Variants in CDH13 observed in about 807,000 individuals in gnomAD.
CDH13 encodes the protein cadherin-13.
Under a neutral mutation model 63.8 loss-of-function variants are expected in CDH13, and 24 were observed. The observed-to-expected ratio is 0.38, with a 90% CI of 0.27 to 0.53. The LOEUF is 0.53. Ranked by LOEUF, CDH13 falls within the 20% of genes least tolerant of loss-of-function variation. The pLI, the probability that CDH13 is intolerant of heterozygous loss-of-function variation, is 0.85. For synonymous variants in CDH13, 503 were observed against 355.3 expected (o/e 1.42, Z -4.67); for missense variants, 1,049 against 903.1 (o/e 1.16, Z -2.07).
At position 83,334,361 on chromosome 16, in the gene CDH13, TCACACACACA is replaced by T. The variant is rs1208427532; in HGVS notation, c.637-10476_637-10467del. Among the ~76,000 whole-genome samples, 165 of 85,610 alleles carry T rather than the reference TCACACACACA, an allele frequency of 1.9e-3. 4 individuals are homozygous for T. The East Asian group carries it at 0.04, about 21-fold the overall frequency. 56.2% of individuals were successfully genotyped at this position (85,610 alleles called of 152,430 possible). ...TTCTCCCTCTCTCTCTCTCTCTCTC[TCACACACACA>T]CACACACACACACACACACACACAG... On this transcript the variant is annotated intron_variant, in intron 5 of 13. Transcript: ENST00000567109.
intron 4 of CDH13, among the ~76,000 whole-genome samples, chr16:83,162,513 C>T (rs1313562357): frequency 1.3e-5 from 2 of 152,086 alleles, no homozygotes; most frequent in African/African-American, 4.8e-5. Context: ...TAGTGCTAAG[C>T]CTTAGTTTCC....
At chr16:82,638,630 C>A (rs958741125) in intron 1 of CDH13, among the ~76,000 whole-genome samples, 3 of 152,092 alleles carry the variant, frequency 2.0e-5, no homozygotes, top group African/African-American at 7.2e-5. Flanking sequence ...CTGTGCATGT[C>A]ATAATGCGTG....
intron 3 of CDH13, among the ~76,000 whole-genome samples, chr16:83,063,681 C>A (rs1456978256): frequency 6.6e-6 from 1 of 152,166 alleles, no homozygotes; most frequent in Non-Finnish European, 1.5e-5. Context: ...TTAGCACAAA[C>A]TTTGTGGCTT....
chr16:83,170,083 A>C (rs1204986457), intron 4 of CDH13, among the ~76,000 whole-genome samples: 1 of 152,026 alleles, frequency 6.6e-6, no homozygotes, highest in Non-Finnish European at 1.5e-5. Context: ...ATGTGATGTT[A>C]AGCTCTAATA....
chr16:83,698,983 A>T (rs530719140), intron 10 of CDH13, among the ~76,000 whole-genome samples: 1 of 152,198 alleles, frequency 6.6e-6, no homozygotes, highest in Non-Finnish European at 1.5e-5. Context: ...GTACACCCCT[A>T]CCAGCATTAT....
In CDH13 at chr16:83,576,371, C is replaced by G. The variant is rs147243739; in HGVS notation, c.961-26083C>G. Among the ~76,000 whole-genome samples the G allele has an allele frequency of 3.6e-3, 546 of 152,238 alleles. 4 individuals carry two copies. Among genetic ancestry groups the G allele is most frequent in the African/African-American group, 0.012 (511 of 41,518 alleles). On this transcript the variant is annotated intron_variant, in intron 7 of 13. Coordinates refer to ENST00000567109, the MANE Select transcript of CDH13 (RefSeq NM_001257.5). ...CCTTTTTATGGCTGAATAATATTTT[C>G]TTGTATGGGTGGAGCACATTTTGTT... is the stretch of plus-strand genomic sequence containing the variant.
chr16:83,442,881 C>G lies in CDH13; in HGVS notation c.782-43596C>G, dbSNP rs545676874. 1.2e-4 allele frequency among the ~76,000 whole-genome samples: 19 copies of G among 152,324 alleles called. No homozygotes were observed. In the South Asian group the frequency reaches 1.9e-3, roughly 15 times the overall value. ...ATAAGGGACATTTCTGTTATTTTGT[C>G]AAATGCTATTATTTACTGAAAAATA... On this transcript the variant is annotated intron_variant, in intron 6 of 13. Coordinates refer to ENST00000567109, the MANE Select transcript of CDH13 (RefSeq NM_001257.5).
intron 3 of CDH13, among the ~76,000 whole-genome samples, chr16:83,123,062 G>A (rs538639873): frequency 1.3e-5 from 2 of 152,192 alleles, no homozygotes; most frequent in East Asian, 3.9e-4. Flanking sequence ...TTTGGATCAT[G>A]TCTTCCGGCT....
At chr16:83,781,219 C>A (rs1470174614) in intron 12 of CDH13, among the ~76,000 whole-genome samples, 1 of 152,148 alleles carries the variant, frequency 6.6e-6, no homozygotes, top group Non-Finnish European at 1.5e-5. Flanking sequence ...ACTGAAACAC[C>A]AACATATTAA....
chr16:82,627,585 G>T (rs1006709696), intron 1 of CDH13, among the ~76,000 whole-genome samples: 1 of 152,114 alleles, frequency 6.6e-6, no homozygotes, highest in African/African-American at 2.4e-5. Flanking sequence ...CTCGGGTCCG[G>T]ATTGCGGGAT....
chr16:82,941,232 C>G (rs1169403824), intron 2 of CDH13, among the ~76,000 whole-genome samples: 1 of 152,132 alleles, frequency 6.6e-6, no homozygotes, highest in Admixed American at 6.5e-5. Flanking sequence ...ACATAGTTTG[C>G]TCTCAAAGAA....
chr16:83,544,105 C>A (rs553403014), intron 7 of CDH13, among the ~76,000 whole-genome samples: 1 of 152,246 alleles, frequency 6.6e-6, no homozygotes, highest in South Asian at 2.1e-4. Flanking sequence ...GTGCTTCGAG[C>A]ACACCCTCTC....
chr16:83,611,384 C>G (rs1362392807), intron 8 of CDH13, among the ~76,000 whole-genome samples: 1 of 151,708 alleles, frequency 6.6e-6, no homozygotes, highest in Non-Finnish European at 1.5e-5. Context: ...TTTCAATTTG[C>G]CAATTTGTGT....
chr16:83,290,113 G>A (rs370092871), intron 5 of CDH13, among the ~76,000 whole-genome samples: 6 of 152,158 alleles, frequency 3.9e-5, no homozygotes, highest in African/African-American at 7.2e-5. Context: ...CAGTCATCAT[G>A]GTTAGTCAGA....
chr16:82,944,322 C>T (rs751306810), intron 2 of CDH13, among the ~76,000 whole-genome samples: 1 of 152,152 alleles, frequency 6.6e-6, no homozygotes, highest in Non-Finnish European at 1.5e-5. Context: ...AAATGGATTA[C>T]TACTCAACGT....
At chr16:83,509,396 A>G (rs1220212598) in intron 7 of CDH13, among the ~76,000 whole-genome samples, 2 of 152,262 alleles carry the variant, frequency 1.3e-5, no homozygotes, top group South Asian at 2.1e-4. Flanking sequence ...GATAGTAAGT[A>G]TTTTAGGCTT....
intron 1 of CDH13, among the ~76,000 whole-genome samples, chr16:82,673,061 C>T (rs57884886): frequency 0.027 from 3,473 of 127,322 alleles, 111 homozygotes; most frequent in African/African-American, 0.087. Flanking sequence ...AGGCTGGTCT[C>T]GAACTCCTGG....
chr16:83,281,596 A>G (rs879424789), intron 5 of CDH13, among the ~76,000 whole-genome samples: 2 of 152,136 alleles, frequency 1.3e-5, no homozygotes, highest in Non-Finnish European at 2.9e-5. Flanking sequence ...CTCAGCTTTC[A>G]ACATGTCTTC....
intron 11 of CDH13, among the ~76,000 whole-genome samples, chr16:83,779,476 C>G (rs1411711706): frequency 1.0e-5 from 1 of 95,906 alleles, no homozygotes; most frequent in Non-Finnish European, 2.1e-5. Flanking sequence ...AACCACTAAA[C>G]TTTATACCAA....
Sources: allele counts gnomAD v4.1 joint callset (sites outside exome capture counted in the v4.1 genomes callset), GRCh38; gene constraint gnomAD v4.1.1; transcripts MANE v1.5; gene names NCBI Gene and HGNC (gene_info 2026-07-23, HGNC 2026-07-21).